HNRNPL: variants seen among roughly 807,000 people sequenced by gnomAD.
The protein encoded by HNRNPL is heterogeneous nuclear ribonucleoprotein L.
In HNRNPL, 12 loss-of-function variants were observed where a neutral mutation model predicts 64.0. The observed-to-expected ratio is 0.19, with a 90% confidence interval of 0.12 to 0.30. HNRNPL has a LOEUF of 0.30. Among genes scored for constraint, HNRNPL ranks in the 10% least tolerant of loss-of-function variants. The probability of loss-of-function intolerance (pLI) is 1.00; values close to 1 mark genes in which losing one functional copy is unlikely to be tolerated. For missense variants in HNRNPL, 484 were observed against 797.4 expected (o/e 0.61, Z 4.73); for synonymous variants, 385 against 313.0 (o/e 1.23, Z -2.43).
chr19:38,841,754 G>A (rs1972124482), intron 6 of HNRNPL: 1 of 609,402 alleles, frequency 1.6e-6, no homozygotes, highest in Non-Finnish European at 2.7e-6. Flanking sequence ...TTAAAGAATT[G>A]TTTTAAAAGT....
intron 6 of HNRNPL, among the ~76,000 whole-genome samples, chr19:38,843,147 G>T (rs969181371): frequency 2.0e-5 from 3 of 151,998 alleles, no homozygotes; most frequent in Non-Finnish European, 2.9e-5. Context: ...CTGGTCCGAC[G>T]TATCAGACCA....
At position 38,839,021 on chromosome 19, in the gene HNRNPL, G is replaced by T. The variant is rs535615136; in HGVS notation, c.1234-6C>A. 1.8e-5 allele frequency: 29 copies of T among 1,613,802 alleles called. No homozygotes were observed. The highest frequency in any genetic ancestry group is 2.4e-5 in the Non-Finnish European group (28 of 1,179,958). ...TTGCTTTTCATGAATTTCACCTTGGGGAGAGTAGCTGCAGTCAGCACCTCT... is the reference window on the plus strand; with the variant it reads ...TTGCTTTTCATGAATTTCACCTTGGTGAGAGTAGCTGCAGTCAGCACCTCT... On this transcript the variant is annotated splice_polypyrimidine_tract_variant and splice_region_variant and intron_variant, in intron 8 of 12. Coordinates refer to ENST00000221419, the MANE Select transcript of HNRNPL (RefSeq NM_001533.3).
chr19:38,840,607 T>C (rs769625150), intron 6 of HNRNPL, 48 bp from the exon 7 acceptor site: 9 of 1,427,104 alleles, frequency 6.3e-6, no homozygotes, highest in Non-Finnish European at 8.7e-6. Flanking sequence ...AATTGGGGTC[T>C]CTCCCTCCCT....
chr19:38,836,835 C>T, intron 12 of HNRNPL, 55 bp from the exon 13 acceptor site: 1 of 1,361,960 alleles, frequency 7.3e-7, no homozygotes, highest in South Asian at 1.2e-5. Flanking sequence ...TCCCCAAACC[C>T]AGGTCCCCTC....
chr19:38,848,061 G>C (rs561355119), intron 1 of HNRNPL, among the ~76,000 whole-genome samples: 3 of 152,010 alleles, frequency 2.0e-5, no homozygotes, highest in Non-Finnish European at 4.4e-5. Context: ...TTACTGCCTA[G>C]GTCAGACTAA....
chr19:38,852,211 G>A (rs1468099139), upstream of HNRNPL: 4 of 144,430 alleles, frequency 2.8e-5, no homozygotes, highest in African/African-American at 7.6e-5. Context: ...CCACCCCGCT[G>A]CTCGGACCCT....
Position 38,836,499 on chromosome 19 carries a change from TG to T in HNRNPL, c.*222del. The T allele has an allele frequency of 2.5e-6, 1 of 398,082 alleles. No individual in the cohort carries two copies. Among genetic ancestry groups the T allele is most frequent in the Non-Finnish European group, 4.5e-6 (1 of 224,714 alleles). The allele number at this position is 398,082 out of a possible 1,614,324, so 24.7% of individuals were successfully genotyped here. A position where few individuals can be genotyped will look rare whatever the true frequency, so the allele number is the denominator to read the frequency against. On this transcript the variant is annotated 3_prime_UTR_variant, in exon 13 of 13. Coordinates refer to ENST00000221419, the MANE Select transcript of HNRNPL (RefSeq NM_001533.3). ...CACATGTACAATAATTTTTTAAAAGTGAAGGTTAATCTTGGGAGATAACAGT... is the reference window on the plus strand; with the variant it reads ...CACATGTACAATAATTTTTTAAAAGTAAGGTTAATCTTGGGAGATAACAGT...
intron 7 of HNRNPL, 49 bp downstream of exon 7, chr19:38,840,438 AG>A (rs755171573): frequency 6.4e-7 from 1 of 1,560,444 alleles, no homozygotes; most frequent in African/African-American, 1.4e-5. Context: ...GGCGGCGGGC[AG>A]GGGCACATGA....
At chr19:38,848,093 C>G (rs1036822554) in intron 1 of HNRNPL, among the ~76,000 whole-genome samples, 2 of 150,240 alleles carry the variant, frequency 1.3e-5, no homozygotes, top group Non-Finnish European at 2.9e-5. Context: ...CAAGAAAAGT[C>G]TTTTATTTAT....
At chr19:38,836,923 G>A (rs1285652857) in intron 12 of HNRNPL, 143 bp from the exon 13 acceptor site, 17 of 612,316 alleles carry the variant, frequency 2.8e-5, no homozygotes, top group Non-Finnish European at 5.0e-5. Context: ...GAGGCTTCAA[G>A]ATGAGCCAAT....
chr19:38,836,677 G>A lies in HNRNPL; in HGVS notation c.*45C>T. On this transcript the variant is annotated 3_prime_UTR_variant, in exon 13 of 13. Coordinates refer to ENST00000221419, the MANE Select transcript of HNRNPL (RefSeq NM_001533.3). The stretch of plus-strand genomic sequence containing the variant: ...AAAACAAAAAATGGCATAAAGGAAA[G>A]AGAAATGTCTTCCTGCTCAGATGGG... The A allele has an allele frequency of 7.8e-7, 1 of 1,275,706 alleles. No individual in the cohort carries two copies. The highest frequency in any genetic ancestry group is 1.4e-5 in the South Asian group (1 of 72,024). The allele number at this position is 1,275,706 out of a possible 1,614,324, so 79.0% of individuals were successfully genotyped here.
At chr19:38,839,122 TCA>T (rs1972025867) in intron 8 of HNRNPL, 107 bp from the exon 9 acceptor site, 9 of 1,387,474 alleles carry the variant, frequency 6.5e-6, no homozygotes, top group Non-Finnish European at 9.0e-6. Flanking sequence ...TCCCATGTCC[TCA>T]CAGTTAATCG....
chr19:38,837,587 G>A lies in HNRNPL; in HGVS notation c.1615+7C>T, dbSNP rs373614187. ...TTAGGGCAAGGAGGTGGGCACACTC[G>A]ACTCACTTTTGCCTGAGAATACTTT... On this transcript the variant is annotated splice_region_variant and intron_variant, in intron 11 of 12. Transcript: ENST00000221419. 9.3e-6 allele frequency: 15 copies of A among 1,613,958 alleles called. No individual in the cohort carries two copies. The highest frequency in any genetic ancestry group is 6.7e-5 in the East Asian group (3 of 44,906).
chr19:38,847,629 A>AGTGG (rs1972344093), intron 1 of HNRNPL, 195 bp from the exon 2 acceptor site: 2 of 355,370 alleles, frequency 5.6e-6, no homozygotes, highest in African/African-American at 4.2e-5. Flanking sequence ...AGTGGTCCTG[A>AGTGG]GTGGGTGATC....
In HNRNPL at chr19:38,849,866, T is replaced by C; in HGVS notation, c.101A>G (p.Lys34Arg). Residue 34 changes from lysine (K) to arginine (R), a missense_variant, in exon 1 of 13, where the codon AAG becomes AGG. Coordinates refer to ENST00000221419, the MANE Select transcript of HNRNPL (RefSeq NM_001533.3). ...EQRRRSGAMV[K>R]MAAAGGGGGG... Reference sequence around the variant, plus strand: ...GCCTCCGCCGCCCGCCGCCGCCATCTTCACCATCGCTCCCGACCGCCTCCG... The same window carrying C: ...GCCTCCGCCGCCCGCCGCCGCCATCCTCACCATCGCTCCCGACCGCCTCCG... 1 of 1,229,800 alleles carries C rather than the reference T, an allele frequency of 8.1e-7. No individual in the cohort carries two copies. The highest frequency in any genetic ancestry group is 1.1e-6 in the Non-Finnish European group (1 of 870,056). The allele number at this position is 1,229,800 out of a possible 1,614,324, so 76.2% of individuals were successfully genotyped here.
chr19:38,845,417 A>G, intron 4 of HNRNPL: 1 of 518,534 alleles, frequency 1.9e-6, no homozygotes, highest in Non-Finnish European at 3.4e-6. Flanking sequence ...AAAGAAAAAT[A>G]AATTCCTTTG....
At chr19:38,840,764 T>C (rs1309653656) in intron 6 of HNRNPL, 1 of 587,262 alleles carries the variant, frequency 1.7e-6, no homozygotes, top group Admixed American at 3.3e-5. Flanking sequence ...CTCCTTCCCC[T>C]GCTCATACCA....
intron 2 of HNRNPL, among the ~76,000 whole-genome samples, 187 bp from the exon 3 acceptor site, chr19:38,846,277 T>C (rs915795238): frequency 6.6e-6 from 1 of 152,116 alleles, no homozygotes; most frequent in African/African-American, 2.4e-5. Context: ...AGCTGAGCCA[T>C]CATGTCCCTC....
chr19:38,846,152 T>C, intron 2 of HNRNPL, 62 bp from the exon 3 acceptor site: 6 of 1,267,822 alleles, frequency 4.7e-6, no homozygotes, highest in Non-Finnish European at 6.9e-6. Context: ...GAGGGTATCA[T>C]TTGATTTTTT....
Sources: gnomAD v4.1 joint callset for allele counts (sites outside exome capture counted in the v4.1 genomes callset) on GRCh38, gnomAD v4.1.1 for gene constraint, MANE v1.5 for transcripts, NCBI Gene and HGNC (gene_info 2026-07-23, HGNC 2026-07-21) for gene names.